The following KCNU1 variants were observed in gnomAD, a reference collection of about 807,000 sequenced individuals.
The protein encoded by KCNU1 is potassium channel subfamily U member 1.
KCNU1 carries 93 observed loss-of-function variants against 126.8 expected under a neutral mutation model. The observed-to-expected ratio is 0.73, with a 90% CI of 0.62 to 0.87. The LOEUF is 0.87. Among genes scored for constraint, KCNU1 ranks in the 40% least tolerant of loss-of-function variants. The probability of loss-of-function intolerance (pLI) is 0.00; values close to 1 mark genes in which losing one functional copy is unlikely to be tolerated. For synonymous variants in KCNU1, 523 were observed against 494.2 expected (o/e 1.06, Z -0.77); for missense variants, 1,330 against 1,367.1 (o/e 0.97, Z 0.43).
chr8:36,872,431 G>A (rs369312091), intron 19 of KCNU1, among the ~76,000 whole-genome samples: 10 of 152,176 alleles, frequency 6.6e-5, no homozygotes, highest in East Asian at 3.9e-4. Flanking sequence ...ACGCCGCCCC[G>A]CCCTGTAACT....
At chr8:36,826,652 C>A (rs1166383079) in intron 10 of KCNU1, among the ~76,000 whole-genome samples, 1 of 152,102 alleles carries the variant, frequency 6.6e-6, no homozygotes, top group Admixed American at 6.6e-5. Context: ...ATAAACCCAT[C>A]CATTAAGTTT....
Position 36,806,400 on chromosome 8 carries a change from G to T in KCNU1, c.580+20G>T, listed in dbSNP as rs185478017. The T allele has an allele frequency of 5.6e-6, 7 of 1,251,606 alleles. No individual in the cohort carries two copies. Among genetic ancestry groups the T allele is most frequent in the Non-Finnish European group, 8.0e-6 (7 of 873,092 alleles). 77.5% of individuals were successfully genotyped at this position (1,251,606 alleles called of 1,614,324 possible). A position where few individuals can be genotyped will look rare whatever the true frequency, so the allele number is the denominator to read the frequency against. ...GGCTAGGTAAGTGTGCTCTGGGAACGGGTAGCAATATCTATGAATAAAATA... is the reference window on the plus strand; with the variant it reads ...GGCTAGGTAAGTGTGCTCTGGGAACTGGTAGCAATATCTATGAATAAAATA... On this transcript the variant is annotated intron_variant, in intron 5 of 26. Coordinates refer to ENST00000399881, the MANE Select transcript of KCNU1 (RefSeq NM_001031836.3).
intron 16 of KCNU1, among the ~76,000 whole-genome samples, chr8:36,843,712 G>T (rs1805039050): frequency 6.6e-6 from 1 of 152,090 alleles, no homozygotes; most frequent in East Asian, 1.9e-4. Flanking sequence ...GAAATTCTGG[G>T]GAAAAAGCCT....
chr8:36,872,559 A>G (rs1806141279), intron 19 of KCNU1, among the ~76,000 whole-genome samples: 3 of 152,268 alleles, frequency 2.0e-5, no homozygotes, highest in African/African-American at 7.2e-5. Flanking sequence ...CCATCCAGTA[A>G]AATAAATAAT....
intron 22 of KCNU1, 26 bp downstream of exon 22, chr8:36,911,145 G>T: frequency 6.5e-7 from 1 of 1,549,120 alleles, no homozygotes; most frequent in Non-Finnish European, 8.8e-7. Context: ...CTGAAAAGAA[G>T]AAACTAGGAC....
intron 19 of KCNU1, among the ~76,000 whole-genome samples, chr8:36,877,454 C>T (rs1415330280): frequency 6.6e-6 from 1 of 151,940 alleles, no homozygotes; most frequent in African/African-American, 2.4e-5. Flanking sequence ...AGGCGCCCAC[C>T]ACCACACCCA....
At chr8:36,852,194 C>T (rs1381253482) in intron 18 of KCNU1, among the ~76,000 whole-genome samples, 2 of 152,070 alleles carry the variant, frequency 1.3e-5, no homozygotes, top group African/African-American at 4.8e-5. Context: ...AAATGTTAAA[C>T]TCACCTTGTA....
At chr8:36,838,551 GC>G (rs1313701534) in intron 14 of KCNU1, among the ~76,000 whole-genome samples, 1 of 152,052 alleles carries the variant, frequency 6.6e-6, no homozygotes, top group Non-Finnish European at 1.5e-5. Flanking sequence ...AAAAAAATTA[GC>G]CAGGCATGGT....
chr8:36,896,623 A>T (rs74532809), intron 19 of KCNU1, among the ~76,000 whole-genome samples: 2,576 of 152,134 alleles, frequency 0.017, 80 homozygotes, highest in African/African-American at 0.059. Flanking sequence ...TTACTGTTGG[A>T]CTTTTACCCC....
At chr8:36,867,852 C>A (rs1805966370) in intron 19 of KCNU1, among the ~76,000 whole-genome samples, 1 of 152,230 alleles carries the variant, frequency 6.6e-6, no homozygotes, top group Non-Finnish European at 1.5e-5. Flanking sequence ...TGGATCCAGA[C>A]AACCTGGTTC....
At chr8:36,837,617 T>C (rs1268989186) in intron 14 of KCNU1, among the ~76,000 whole-genome samples, 1 of 152,236 alleles carries the variant, frequency 6.6e-6, no homozygotes, top group African/African-American at 2.4e-5. Flanking sequence ...TGTATGCCTC[T>C]GGTGTTATTT....
chr8:36,804,199 G>A (rs1585392838), intron 3 of KCNU1, 111 bp downstream of exon 3: 17 of 713,046 alleles, frequency 2.4e-5, no homozygotes, highest in Non-Finnish European at 4.1e-5. Context: ...ACACATGCAC[G>A]CACACACACA....
chr8:36,877,873 C>T (rs1444492180), intron 19 of KCNU1, among the ~76,000 whole-genome samples: 1 of 152,168 alleles, frequency 6.6e-6, no homozygotes, highest in Non-Finnish European at 1.5e-5. Flanking sequence ...CCTCTAAACT[C>T]GAACTATATT....
chr8:36,787,510 G>C (rs563470956), intron 2 of KCNU1, 85 bp downstream of exon 2: 1 of 1,346,180 alleles, frequency 7.4e-7, no homozygotes, highest in East Asian at 2.7e-5. Context: ...GATTCCCTAG[G>C]TAAACAACTG....
chr8:36,921,999 T>A (rs973026586), intron 23 of KCNU1, among the ~76,000 whole-genome samples: 4 of 152,194 alleles, frequency 2.6e-5, no homozygotes, highest in African/African-American at 9.6e-5. Context: ...ATGATTCATA[T>A]GTGCATTACA....
intron 2 of KCNU1, among the ~76,000 whole-genome samples, chr8:36,788,863 T>C (rs1802803541): frequency 6.6e-6 from 1 of 152,138 alleles, no homozygotes; most frequent in Admixed American, 6.5e-5. Flanking sequence ...TAAAGGTCAC[T>C]AGGGTGAGGG....
intron 19 of KCNU1, among the ~76,000 whole-genome samples, chr8:36,874,532 C>T (rs948532368): frequency 6.6e-6 from 1 of 152,130 alleles, no homozygotes; most frequent in Non-Finnish European, 1.5e-5. Context: ...ACAGGTGCCA[C>T]CACGTGCCCT....
intron 9 of KCNU1, among the ~76,000 whole-genome samples, chr8:36,816,908 A>G (rs1803933093): frequency 6.6e-6 from 1 of 151,608 alleles, no homozygotes; most frequent in East Asian, 1.9e-4. Context: ...AGAAATGGAA[A>G]AATTGATGAA....
At chr8:36,867,138 A>G (rs565734943) in intron 19 of KCNU1, among the ~76,000 whole-genome samples, 59 of 152,278 alleles carry the variant, frequency 3.9e-4, no homozygotes, top group Admixed American at 3.3e-3. Context: ...CCAATCAGTT[A>G]ATCAATCAGA....
Sources: allele counts gnomAD v4.1 joint callset (sites outside exome capture counted in the v4.1 genomes callset), GRCh38; gene constraint gnomAD v4.1.1; transcripts MANE v1.5; gene names NCBI Gene and HGNC (gene_info 2026-07-23, HGNC 2026-07-21).